Variants in SERPINB6 observed in about 807,000 individuals in gnomAD.
SERPINB6 encodes the protein serpin B6.
SERPINB6 carries 16 observed loss-of-function variants against 26.1 expected under a neutral mutation model. The observed-to-expected ratio is 0.61, with a 90% CI of 0.42 to 0.93. SERPINB6 has a LOEUF of 0.93. Among genes scored for constraint, SERPINB6 ranks in the 40% least tolerant of loss-of-function variants. The pLI is 0.00. For synonymous variants in SERPINB6, 174 were observed against 176.6 expected (o/e 0.99, Z 0.11); for missense variants, 420 against 478.0 (o/e 0.88, Z 1.13).
rs777333844 is a variant in SERPINB6 at position 2,955,686 on chromosome 6, G to C, written c.166-16C>G. 15 of 1,613,832 alleles carry C rather than the reference G, an allele frequency of 9.3e-6. No individual in the cohort carries two copies. The highest frequency in any genetic ancestry group is 1.3e-5 in the Non-Finnish European group (15 of 1,179,976). ...AAGAAAGTATCTGAAATCAAAAACA[G>C]AATGAAAACAAATCATTCCTGTATG... On this transcript the variant is annotated splice_polypyrimidine_tract_variant and intron_variant, in intron 2 of 6. Transcript: ENST00000380539.
At chr6:2,971,169 C>T in intron 1 of SERPINB6, 3 of 997,932 alleles carry the variant, frequency 3.0e-6, no homozygotes, top group Non-Finnish European at 3.6e-6. Flanking sequence ...CCGCCTCTTC[C>T]GTGGGCGCTG....
chr6:2,966,948 C>A (rs1771698133), intron 1 of SERPINB6: 3 of 985,432 alleles, frequency 3.0e-6, no homozygotes, highest in African/African-American at 3.5e-5. Flanking sequence ...AGCCACCAAG[C>A]CTAGCTTGGG....
At chr6:2,950,760 G>C (rs949396747) in intron 5 of SERPINB6, among the ~76,000 whole-genome samples, 2 of 152,210 alleles carry the variant, frequency 1.3e-5, no homozygotes, top group African/African-American at 4.8e-5. Flanking sequence ...CTGCTCCTGT[G>C]AGTTGAGTAA....
chr6:2,963,695 C>T (rs1771357734), intron 1 of SERPINB6: 1 of 152,418 alleles, frequency 6.6e-6, no homozygotes, highest in South Asian at 2.1e-4. Context: ...CGCCATCACA[C>T]CTGCCCACCA....
Position 2,952,973 on chromosome 6 carries a change from A to T in SERPINB6, c.573+71T>A. 4 of 1,603,430 alleles carry T rather than the reference A, an allele frequency of 2.5e-6. No individual in the cohort carries two copies. The South Asian group carries it at 4.4e-5, about 18-fold the overall frequency. On this transcript the variant is annotated intron_variant, in intron 5 of 6. Transcript: ENST00000380539. ...GGACAGAAAGGCCCCACGGCTGCAG[A>T]CGCGGGAGGCCCCGAGCCGGAGACG...
chr6:2,953,351 ATCT>A (rs1156435829), intron 4 of SERPINB6, among the ~76,000 whole-genome samples, 165 bp from the exon 5 acceptor site: 2 of 152,198 alleles, frequency 1.3e-5, no homozygotes, highest in Non-Finnish European at 2.9e-5. Context: ...AAACAACAAA[ATCT>A]TCTGGTACGA....
Position 2,970,203 on chromosome 6 carries a change from G to T in SERPINB6, c.-11+1330C>A. 4.1e-6 allele frequency: 4 copies of T among 985,268 alleles called. No individual in the cohort carries two copies. The South Asian group carries it at 1.9e-4, about 46-fold the overall frequency. 61.0% of individuals were successfully genotyped at this position (985,268 alleles called of 1,614,324 possible). On this transcript the variant is annotated intron_variant, in intron 1 of 6. Coordinates refer to ENST00000380539, the MANE Select transcript of SERPINB6 (RefSeq NM_004568.6). ...CCCTTATTATTACATATGTGGAAAAGAATGTTGGTTCTATTCATGCTAATT... is the reference window on the plus strand; with the variant it reads ...CCCTTATTATTACATATGTGGAAAATAATGTTGGTTCTATTCATGCTAATT...
intron 5 of SERPINB6, among the ~76,000 whole-genome samples, chr6:2,951,160 T>C (rs936740183): frequency 6.6e-6 from 1 of 152,026 alleles, no homozygotes; most frequent in African/African-American, 2.4e-5. Context: ...CCCGGGCAGG[T>C]GGATCACCTG....
At chr6:2,961,536 G>T (rs1771104579) in intron 1 of SERPINB6, among the ~76,000 whole-genome samples, 1 of 152,164 alleles carries the variant, frequency 6.6e-6, no homozygotes, top group African/African-American at 2.4e-5. Context: ...AACTTGAAGA[G>T]AAACAATTGG....
chr6:2,954,767 C>G, intron 3 of SERPINB6, 58 bp from the exon 4 acceptor site: 1 of 1,143,140 alleles, frequency 8.7e-7, no homozygotes, highest in African/African-American at 1.5e-5. Flanking sequence ...CACCAACGGC[C>G]TACTTCTTCA....
chr6:2,948,938 C>G lies in SERPINB6; in HGVS notation c.705G>C (p.Pro235=), dbSNP rs111416638. The G allele has an allele frequency of 8.7e-6, 14 of 1,614,082 alleles. No homozygotes were observed. In the African/African-American group the frequency reaches 9.3e-5, roughly 11 times the overall value. The change falls in exon 6 of 7, where the codon CCG becomes CCC. Residue 235 remains proline, a synonymous_variant. Coordinates refer to ENST00000380539, the MANE Select transcript of SERPINB6 (RefSeq NM_004568.6). The surrounding 1 kb of genome is among the most constrained non-coding windows in gnomAD (Gnocchi z 5.0). ...GKELNMIIML[P]DETTDLRTVE... ...CCGTTCTCAAGTCAGTGGTCTCGTC[C>G]GGAAGCATGATGATCATATTCAGTT... is the stretch of plus-strand genomic sequence containing the variant.
chr6:2,966,778 G>T, intron 1 of SERPINB6: 1 of 222,434 alleles, frequency 4.5e-6, no homozygotes, highest in Non-Finnish European at 7.6e-6. Flanking sequence ...GATTTTTCTA[G>T]TCCAAAGACT....
intron 3 of SERPINB6, 24 bp downstream of exon 3, chr6:2,955,500 T>C: frequency 1.2e-6 from 2 of 1,614,038 alleles, no homozygotes; most frequent in Non-Finnish European, 1.7e-6. Flanking sequence ...ATTTCTTTAG[T>C]GAATAAGAGC....
chr6:2,969,124 A>G (rs1257976032), intron 1 of SERPINB6: 22 of 1,025,212 alleles, frequency 2.1e-5, no homozygotes, highest in Non-Finnish European at 2.5e-5. Context: ...GAAAAAATAA[A>G]TCCACATTTA....
chr6:2,968,908 G>A (rs1771877825), intron 1 of SERPINB6: 7 of 1,227,590 alleles, frequency 5.7e-6, no homozygotes, highest in Non-Finnish European at 7.1e-6. Context: ...GGCTATCGGT[G>A]GTGTTCTGGA....
intron 1 of SERPINB6, among the ~76,000 whole-genome samples, chr6:2,964,295 G>A (rs1226849581): frequency 1.3e-5 from 2 of 151,898 alleles, no homozygotes; most frequent in African/African-American, 4.8e-5. Flanking sequence ...TTTCACTGAA[G>A]GTAAAACTCA....
At position 2,969,768 on chromosome 6, in the gene SERPINB6, A is replaced by ATGTGTGTG. The variant is rs141424938; in HGVS notation, c.-11+1757_-11+1764dup. On this transcript the variant is annotated intron_variant, in intron 1 of 6. Coordinates refer to ENST00000380539, the MANE Select transcript of SERPINB6 (RefSeq NM_004568.6). Reference sequence around the variant, plus strand: ...CCCTCTGTTTCCTTGTGCAGTGTGTATGTGTGTGTGTGTGTGTGTTGTGTG... The same window carrying ATGTGTGTG: ...CCCTCTGTTTCCTTGTGCAGTGTGTATGTGTGTGTGTGTGTGTGTGTGTGTGTTGTGTG... 2.8e-4 allele frequency: 265 copies of ATGTGTGTG among 942,320 alleles called. 1 individual carries two copies. The East Asian group carries it at 0.016, about 58-fold the overall frequency. The allele number at this position is 942,320 out of a possible 1,614,324, so 58.4% of individuals were successfully genotyped here. A position where few individuals can be genotyped will look rare whatever the true frequency, so the allele number is the denominator to read the frequency against.
In SERPINB6 at chr6:2,953,028, A is replaced by G. The variant is rs761614492; in HGVS notation, c.573+16T>C. 4 of 1,614,016 alleles carry G rather than the reference A, an allele frequency of 2.5e-6. No homozygotes were observed. In the Admixed American group the frequency reaches 6.7e-5, roughly 27 times the overall value. ...TGTGAACACAGGCGCTGCTCCTGTC[A>G]CGGCCCCTTACTCGCCTTGCTGACT... On this transcript the variant is annotated intron_variant, in intron 5 of 6. Coordinates refer to ENST00000380539, the MANE Select transcript of SERPINB6 (RefSeq NM_004568.6).
intron 1 of SERPINB6, chr6:2,969,490 T>C (rs1771933897): frequency 7.1e-6 from 7 of 984,198 alleles, no homozygotes; most frequent in Non-Finnish European, 8.4e-6. Flanking sequence ...TAAAGTCTTA[T>C]TAATGAACAA....
Sources: allele counts gnomAD v4.1 joint callset (sites outside exome capture counted in the v4.1 genomes callset), GRCh38; gene constraint gnomAD v4.1.1; non-coding constraint Gnocchi (gnomAD v3.1); transcripts MANE v1.5; gene names NCBI Gene and HGNC (gene_info 2026-07-23, HGNC 2026-07-21).